ST18: variants seen among roughly 807,000 people sequenced by gnomAD.
The protein encoded by ST18 is suppression of tumorigenicity 18 protein.
Under a neutral mutation model 110.0 loss-of-function variants are expected in ST18, and 50 were observed. That is an observed-to-expected ratio of 0.45 (90% confidence interval 0.36 to 0.58). The LOEUF (loss-of-function observed/expected upper bound fraction) is 0.58, where lower values mean the gene tolerates loss of function less well. Among genes scored for constraint, ST18 ranks in the 20% least tolerant of loss-of-function variants. The probability of loss-of-function intolerance (pLI) is 0.00; values close to 1 mark genes in which losing one functional copy is unlikely to be tolerated. For synonymous variants in ST18, 461 were observed against 452.4 expected (o/e 1.02, Z -0.24); for missense variants, 1,306 against 1,280.1 (o/e 1.02, Z -0.31).
chr8:52,407,923 G>A (rs1845090342), intron 2 of ST18: 1 of 152,018 alleles, frequency 6.6e-6, no homozygotes, highest in Non-Finnish European at 1.5e-5. Flanking sequence ...TTTCCTATGT[G>A]GTGATGTACA....
intron 7 of ST18, among the ~76,000 whole-genome samples, chr8:52,213,274 G>A (rs1233281593): frequency 1.3e-5 from 2 of 152,172 alleles, no homozygotes; most frequent in Non-Finnish European, 2.9e-5. Flanking sequence ...TATTAAAAAT[G>A]TTGGGATTCT....
At chr8:52,343,432 A>G (rs1816142760) in intron 2 of ST18, among the ~76,000 whole-genome samples, 1 of 152,160 alleles carries the variant, frequency 6.6e-6, no homozygotes, top group East Asian at 1.9e-4. Flanking sequence ...TGTACCAACC[A>G]TAGACGTTTC....
At chr8:52,372,909 T>C (rs1185205018) in intron 2 of ST18, among the ~76,000 whole-genome samples, 1 of 152,226 alleles carries the variant, frequency 6.6e-6, no homozygotes, top group East Asian at 1.9e-4. Context: ...ATGTTTATTG[T>C]ACAGAGCATA....
At chr8:52,380,326 G>GT (rs1232141010) in intron 2 of ST18, among the ~76,000 whole-genome samples, 1 of 151,464 alleles carries the variant, frequency 6.6e-6, no homozygotes, top group Admixed American at 6.6e-5. Flanking sequence ...TAACTTTATT[G>GT]TAAGAATACA....
chr8:52,350,263 A>G (rs1819694339), intron 2 of ST18, among the ~76,000 whole-genome samples: 1 of 152,204 alleles, frequency 6.6e-6, no homozygotes, highest in South Asian at 2.1e-4. Flanking sequence ...CAATCCTTCT[A>G]TTCTATGACG....
At chr8:52,259,526 CA>C in intron 2 of ST18, among the ~76,000 whole-genome samples, 1 of 152,134 alleles carries the variant, frequency 6.6e-6, no homozygotes, top group Middle Eastern at 3.4e-3. Context: ...ACCATAAAAT[CA>C]AATGACATTT....
At chr8:52,380,862 C>CTTGTAA (rs1414323993) in intron 2 of ST18, among the ~76,000 whole-genome samples, 1 of 152,114 alleles carries the variant, frequency 6.6e-6, no homozygotes, top group Non-Finnish European at 1.5e-5. Context: ...TGAATGAATC[C>CTTGTAA]TTGTAACGTA....
At chr8:52,351,344 C>G (rs967275345) in intron 2 of ST18, among the ~76,000 whole-genome samples, 1 of 152,206 alleles carries the variant, frequency 6.6e-6, no homozygotes, top group Non-Finnish European at 1.5e-5. Context: ...GCAGAGTACA[C>G]TGACTTGCCT....
intron 2 of ST18, among the ~76,000 whole-genome samples, chr8:52,276,136 A>AT (rs1452763213): frequency 5.3e-3 from 46 of 8,612 alleles, no homozygotes; most frequent in Non-Finnish European, 7.8e-3. Flanking sequence ...TACCACACAC[A>AT]CACCACATGC....
chr8:52,392,603 A>G (rs1839683593), intron 2 of ST18, among the ~76,000 whole-genome samples: 1 of 152,228 alleles, frequency 6.6e-6, no homozygotes, highest in African/African-American at 2.4e-5. Flanking sequence ...AAACAAAGCC[A>G]TGAAAGAATA....
rs1185807733 is a variant in ST18, at chr8:52,409,711, T to G, written c.-753A>C. The G allele has an allele frequency of 6.6e-6, 1 of 152,254 alleles. No individual in the cohort carries two copies. The highest frequency in any genetic ancestry group is 1.5e-5 in the Non-Finnish European group (1 of 68,054). The allele number at this position is 152,254 out of a possible 1,614,324, so 9.4% of individuals were successfully genotyped here. ...AGTATTCCCCTGAGGTCACATTCAG[T>G]TAAAAACATCCTGCCCTTCTCCCTA... is the stretch of plus-strand genomic sequence containing the variant. On this transcript the variant is annotated 5_prime_UTR_variant, in exon 1 of 26. Coordinates refer to ENST00000689386, the MANE Select transcript of ST18 (RefSeq NM_001352837.2).
chr8:52,367,288 GT>G (rs1187193570), intron 2 of ST18, among the ~76,000 whole-genome samples: 1 of 64,170 alleles, frequency 1.6e-5, no homozygotes, highest in Non-Finnish European at 4.2e-5. Flanking sequence ...TACCTTCTAG[GT>G]CGCATGCCTG....
At chr8:52,319,732 G>T (rs982712012) in intron 2 of ST18, among the ~76,000 whole-genome samples, 3 of 152,148 alleles carry the variant, frequency 2.0e-5, no homozygotes, top group Admixed American at 2.0e-4. Flanking sequence ...TTGCTTGTTT[G>T]CTTCTGGTCA....
Position 52,116,392 on chromosome 8 carries a change from C to G in ST18, c.2886G>C (p.Lys962Asn). The change falls in exon 25 of 26, where the codon AAG (lysine) becomes AAC (asparagine). Residue 962 changes from lysine to asparagine, a missense_variant. Transcript: ENST00000689386. ...TQITSMESNL[K>N]TIEEENKLIE... is the part of the protein sequence containing the mutation. ...TGAGTTTGTTCTCCTCCTCTATCGT[C>G]TTTAAGTTGCTCTCCATAGATGTGA... 1 of 1,613,788 alleles carries G rather than the reference C, an allele frequency of 6.2e-7. No individual in the cohort carries two copies. The highest frequency in any genetic ancestry group is 8.5e-7 in the Non-Finnish European group (1 of 1,179,864).
intron 2 of ST18, among the ~76,000 whole-genome samples, chr8:52,365,615 G>A (rs1032139117): frequency 7.2e-5 from 11 of 151,748 alleles, no homozygotes; most frequent in African/African-American, 2.7e-4. Context: ...TTATGTCCAT[G>A]AGTATACTAT....
chr8:52,118,579 C>A, intron 23 of ST18, 138 bp from the exon 24 acceptor site: 1 of 506,968 alleles, frequency 2.0e-6, no homozygotes, highest in South Asian at 3.8e-5. Flanking sequence ...ATCTAGGATT[C>A]TGAAAAAGTG....
rs967236852 is a variant in ST18 at position 52,131,848 on chromosome 8, A to G, written c.2666+110T>C. The G allele has an allele frequency of 9.1e-5, 82 of 903,576 alleles. No individual in the cohort carries two copies. The African/African-American group carries it at 9.4e-4, about 10-fold the overall frequency. The allele number at this position is 903,576 out of a possible 1,614,324, so 56.0% of individuals were successfully genotyped here. A position where few individuals can be genotyped will look rare whatever the true frequency, so the allele number is the denominator to read the frequency against. On this transcript the variant is annotated intron_variant, in intron 22 of 25. Coordinates refer to ENST00000689386, the MANE Select transcript of ST18 (RefSeq NM_001352837.2). ...CAAGACTTCATGTTATGACATCTCA[A>G]CTGCTACAGTGAACAACCTTTAGGG...
intron 3 of ST18, among the ~76,000 whole-genome samples, chr8:52,223,998 C>A (rs2088151975): frequency 6.6e-6 from 1 of 152,002 alleles, no homozygotes; most frequent in Admixed American, 6.6e-5. Context: ...TATTGCTATC[C>A]CTTGAGAACC....
At chr8:52,236,580 C>T (rs1422494811) in intron 2 of ST18, among the ~76,000 whole-genome samples, 1 of 146,298 alleles carries the variant, frequency 6.8e-6, no homozygotes, top group Non-Finnish European at 1.5e-5. Context: ...CACTGCACTC[C>T]AGCCTGGGCA....
Sources: allele counts gnomAD v4.1 joint callset (sites outside exome capture counted in the v4.1 genomes callset), GRCh38; gene constraint gnomAD v4.1.1; transcripts MANE v1.5; gene names NCBI Gene and HGNC (gene_info 2026-07-23, HGNC 2026-07-21).